The following EFCAB6 variants were observed in gnomAD, a reference collection of about 807,000 sequenced individuals.
The protein encoded by EFCAB6 is EF-hand calcium-binding domain-containing protein 6.
EFCAB6 carries 156 observed loss-of-function variants against 169.8 expected under a neutral mutation model. That is an observed-to-expected ratio of 0.92 (90% confidence interval 0.81 to 1.05). EFCAB6 has a LOEUF of 1.05. Among genes scored for constraint, EFCAB6 ranks in the 50% least tolerant of loss-of-function variants. The pLI, the probability that EFCAB6 is intolerant of heterozygous loss-of-function variation, is 0.00. For missense variants in EFCAB6, 1,800 were observed against 1,829.1 expected (o/e 0.98, Z 0.29); for synonymous variants, 698 against 676.4 (o/e 1.03, Z -0.50).
intron 13 of EFCAB6, among the ~76,000 whole-genome samples, chr22:43,673,606 C>T (rs1180562697): frequency 6.6e-6 from 1 of 152,016 alleles, no homozygotes; most frequent in Non-Finnish European, 1.5e-5. Flanking sequence ...TGAAACCAAC[C>T]CCGTCTCTAC....
At chr22:43,611,948 G>A (rs2053337521) in intron 21 of EFCAB6, among the ~76,000 whole-genome samples, 5 of 152,178 alleles carry the variant, frequency 3.3e-5, no homozygotes, top group Admixed American at 3.3e-4. Flanking sequence ...GTATGGTACT[G>A]GTACAAAAAC....
chr22:43,717,045 T>C (rs1235695689), intron 8 of EFCAB6, 73 bp from the exon 9 acceptor site: 2 of 1,388,700 alleles, frequency 1.4e-6, no homozygotes, highest in Non-Finnish European at 1.9e-6. Flanking sequence ...TTCATTTTAA[T>C]CATTACTTGT....
intron 7 of EFCAB6, among the ~76,000 whole-genome samples, chr22:43,734,372 G>A (rs771704712): frequency 2.6e-5 from 4 of 152,128 alleles, no homozygotes; most frequent in Non-Finnish European, 5.9e-5. Context: ...ATTCTATTAT[G>A]TTCATTTTCT....
intron 16 of EFCAB6, 84 bp downstream of exon 16, chr22:43,668,788 C>T (rs1026313891): frequency 2.4e-6 from 3 of 1,233,194 alleles, no homozygotes; most frequent in African/African-American, 3.1e-5. Flanking sequence ...TATTAAAATA[C>T]TCAGTTGACA....
intron 10 of EFCAB6, among the ~76,000 whole-genome samples, chr22:43,700,355 T>C (rs1260117611): frequency 6.6e-6 from 1 of 152,334 alleles, no homozygotes; most frequent in South Asian, 2.1e-4. Context: ...ATGGTAAGAA[T>C]AGGCACTCTC....
At position 43,614,504 on chromosome 22, in the gene EFCAB6, A is replaced by G. The variant is rs542330487; in HGVS notation, c.2562+1322T>C. 1.4e-4 allele frequency among the ~76,000 whole-genome samples: 21 copies of G among 152,358 alleles called. No individual in the cohort carries two copies. In the South Asian group the frequency reaches 3.9e-3, roughly 29 times the overall value. ...CAAATGGATCACAAACCTAATTATA[A>G]AATACAAAACTATGAAACTCTCGTA... On this transcript the variant is annotated intron_variant, in intron 21 of 31. Coordinates refer to ENST00000262726, the MANE Select transcript of EFCAB6 (RefSeq NM_022785.4).
At position 43,534,674 on chromosome 22, in the gene EFCAB6, G is replaced by A. The variant is rs2047281818; in HGVS notation, c.4233+14C>T. ...TCCACCTGGCCCCACATTTCCTGCA[G>A]GTGGGCAACATACCATCTTGTGTGC... On this transcript the variant is annotated intron_variant, in intron 30 of 31. Transcript: ENST00000262726. The A allele has an allele frequency of 6.3e-7, 1 of 1,579,384 alleles. No individual in the cohort carries two copies. Among genetic ancestry groups the A allele is most frequent in the Non-Finnish European group, 8.6e-7 (1 of 1,165,886 alleles).
At chr22:43,687,649 G>T (rs2058255703) in intron 10 of EFCAB6, 68 bp from the exon 11 acceptor site, 3 of 851,634 alleles carry the variant, frequency 3.5e-6, no homozygotes, top group Admixed American at 2.8e-5. Context: ...CATGGATTAG[G>T]TACTTAATGT....
intron 22 of EFCAB6, among the ~76,000 whole-genome samples, chr22:43,606,916 A>G (rs919047721): frequency 6.6e-6 from 1 of 152,146 alleles, no homozygotes; most frequent in African/African-American, 2.4e-5. Flanking sequence ...TGTGGGGGAC[A>G]TGACTCCAAT....
At chr22:43,756,173 G>A (rs1341233501) in intron 5 of EFCAB6, among the ~76,000 whole-genome samples, 1 of 152,172 alleles carries the variant, frequency 6.6e-6, no homozygotes, top group African/African-American at 2.4e-5. Context: ...ATGGATTTGG[G>A]ACCATTATCA....
rs146205119 is a variant in EFCAB6, at chr22:43,632,467, T to C, written c.2099-229A>G. ...GGTGTCTGCCATCACGCCTGGCTAA[T>C]TTTTGTACTTTTGGTACAGACAGGG... On this transcript the variant is annotated intron_variant, in intron 18 of 31. Transcript: ENST00000262726. 3.9e-4 allele frequency among the ~76,000 whole-genome samples: 60 copies of C among 152,232 alleles called. No individual in the cohort carries two copies. The Middle Eastern group carries it at 0.02, about 52-fold the overall frequency.
At position 43,608,524 on chromosome 22, in the gene EFCAB6, T is replaced by C. The variant is rs1177630990; in HGVS notation, c.2639A>G (p.Asp880Gly). The C allele has an allele frequency of 5.0e-6, 8 of 1,614,068 alleles. No individual in the cohort carries two copies. Among genetic ancestry groups the C allele is most frequent in the East Asian group, 2.2e-5 (1 of 44,900 alleles). ...AAACTCTCTTGGTGTGAGGGGAATA[T>C]CAAAACCGTACAGTGCGTTCTTTAT... ...RDIKNALYGF[D>G]IPLTPREFEK... is the part of the protein sequence containing the mutation. Residue 880 changes from aspartate (D) to glycine (G), a missense_variant, in exon 22 of 32, where the codon GAT becomes GGT. Transcript: ENST00000262726.
At chr22:43,535,180 G>T in intron 29 of EFCAB6, 1 of 273,344 alleles carries the variant, frequency 3.7e-6, no homozygotes, top group Non-Finnish European at 6.8e-6. Flanking sequence ...GGTGTTCCCC[G>T]CCGTGTCAGG....
intron 26 of EFCAB6, among the ~76,000 whole-genome samples, chr22:43,573,137 T>C (rs1403179134): frequency 6.6e-6 from 1 of 151,952 alleles, no homozygotes; most frequent in Admixed American, 6.6e-5. Context: ...ATTTAGGAAA[T>C]GGCAGGGTAA....
intron 2 of EFCAB6, among the ~76,000 whole-genome samples, chr22:43,801,186 T>TAAAAG (rs1019153707): frequency 1.3e-5 from 2 of 152,132 alleles, no homozygotes; most frequent in Non-Finnish European, 2.9e-5. Flanking sequence ...TTCAAAGTTC[T>TAAAAG]AAAAGAAAAG....
chr22:43,668,822 A>G (rs2057366900), intron 16 of EFCAB6, 50 bp downstream of exon 16: 1 of 1,470,776 alleles, frequency 6.8e-7, no homozygotes, highest in Admixed American at 2.3e-5. Flanking sequence ...TACCTATTCC[A>G]TGACAGACAC....
chr22:43,788,445 G>C (rs376443632), intron 2 of EFCAB6, among the ~76,000 whole-genome samples: 1 of 152,034 alleles, frequency 6.6e-6, no homozygotes, highest in Non-Finnish European at 1.5e-5. Flanking sequence ...TTTCTTCAAA[G>C]AAAATATACA....
chr22:43,602,037 T>C (rs778867773), intron 22 of EFCAB6, among the ~76,000 whole-genome samples: 1 of 152,242 alleles, frequency 6.6e-6, no homozygotes, highest in Non-Finnish European at 1.5e-5. Flanking sequence ...AGGGTGCAGA[T>C]AGAGGGCTCT....
At chr22:43,618,710 G>T (rs1293676643) in intron 20 of EFCAB6, among the ~76,000 whole-genome samples, 1 of 152,138 alleles carries the variant, frequency 6.6e-6, no homozygotes. Flanking sequence ...AGGATGGAGG[G>T]CCTCTTCGGG....
Sources: allele counts gnomAD v4.1 joint callset (sites outside exome capture counted in the v4.1 genomes callset), GRCh38; gene constraint gnomAD v4.1.1; transcripts MANE v1.5; gene names NCBI Gene and HGNC (gene_info 2026-07-23, HGNC 2026-07-21).